ZNF676: variants seen among roughly 807,000 people sequenced by gnomAD.
The protein encoded by ZNF676 is zinc finger protein 676.
Under a neutral mutation model 6.0 loss-of-function variants are expected in ZNF676, and 4 were observed. The ratio of observed to expected loss-of-function variants is 0.67; its 90% CI spans 0.33 to 1.53. The LOEUF (loss-of-function observed/expected upper bound fraction) is 1.53, where lower values mean the gene tolerates loss of function less well. Among genes scored for constraint, ZNF676 ranks in the 40% most tolerant of loss-of-function variants. The probability of loss-of-function intolerance (pLI) is 0.06; values close to 1 mark genes in which losing one functional copy is unlikely to be tolerated. For synonymous variants in ZNF676, 198 were observed against 223.1 expected, an observed-to-expected ratio of 0.89 and a Z score of 1.00; for missense variants, 644 against 679.7, an observed-to-expected ratio of 0.95 and a Z score of 0.58.
chr19:22,181,252 G>T lies in ZNF676; in HGVS notation c.465C>A (p.His155Gln), dbSNP rs779786446. 11 of 1,613,770 alleles carry T rather than the reference G, an allele frequency of 6.8e-6. No homozygotes were observed. The highest frequency in any genetic ancestry group is 9.3e-6 in the Non-Finnish European group (11 of 1,179,830). Residue 155 changes from histidine (H) to glutamine (Q), a missense_variant, in exon 3 of 3, where the codon CAC (histidine) becomes CAA (glutamine). Physicochemically the swap from His to Gln is conservative, Grantham distance 24. Coordinates refer to ENST00000397121, the MANE Select transcript of ZNF676 (RefSeq NM_001001411.3). The part of the protein sequence containing the change: ...EYVRSFCMLS[H>Q]LSQHERIYTR... ...TATAAATTCTTTCATGTTGAGATAG[G>T]TGTGAAAGCATGCAAAATGATCTGA... is the stretch of plus-strand genomic sequence containing the variant.
rs745881987 is a variant in ZNF676 at position 22,181,399 on chromosome 19, T to C, written c.318A>G (p.Thr106=). The change falls in exon 3 of 3, where the codon ACA becomes ACG. Residue 106 remains threonine (T), a synonymous_variant. Coordinates refer to ENST00000397121, the MANE Select transcript of ZNF676 (RefSeq NM_001001411.3). Reference sequence around the variant, plus strand: ...ATTGAAATACTTTGCTCTGTGTAGTTGTTAAACTCTGGTTAAGTTTATTAT... The same window carrying C: ...ATTGAAATACTTTGCTCTGTGTAGTCGTTAAACTCTGGTTAAGTTTATTAT... ...EGYNKLNQSL[T]TTQSKVFQCG... The C allele has an allele frequency of 6.2e-7, 1 of 1,613,720 alleles. No homozygotes were observed. Among genetic ancestry groups the C allele is most frequent in the Non-Finnish European group, 8.5e-7 (1 of 1,179,758 alleles).
intron 1 of ZNF676, among the ~76,000 whole-genome samples, chr19:22,214,219 G>A (rs1465819340): frequency 6.6e-6 from 1 of 152,162 alleles, no homozygotes; most frequent in Non-Finnish European, 1.5e-5. Context: ...TGGGACACAT[G>A]TGAAAAATGC....
At chr19:22,211,744 T>C (rs2144823706) in intron 1 of ZNF676, among the ~76,000 whole-genome samples, 1 of 152,290 alleles carries the variant, frequency 6.6e-6, no homozygotes, top group South Asian at 2.1e-4. Flanking sequence ...AAAAAGAAAC[T>C]GATGTTTTCA....
the ZNF676 span, among the ~76,000 whole-genome samples, chr19:22,233,129 A>G: frequency 3.0e-3 from 463 of 152,330 alleles, 2 homozygotes; most frequent in African/African-American, 0.011. Context: ...ATAAAATTTA[A>G]CATATATATT....
chr19:22,186,637 C>A (rs1400663510), intron 2 of ZNF676, among the ~76,000 whole-genome samples: 1 of 152,154 alleles, frequency 6.6e-6, no homozygotes, highest in African/African-American at 2.4e-5. Flanking sequence ...TCAGGAGATC[C>A]ATCTCACATG....
chr19:22,238,412 G>A, the ZNF676 span, among the ~76,000 whole-genome samples: 2 of 152,106 alleles, frequency 1.3e-5, no homozygotes, highest in Non-Finnish European at 2.9e-5. Flanking sequence ...AATCAGGAGT[G>A]TCAAATGCAT....
chr19:22,188,153 G>T (rs1236095668), intron 2 of ZNF676, among the ~76,000 whole-genome samples: 1 of 151,974 alleles, frequency 6.6e-6, no homozygotes, highest in Non-Finnish European at 1.5e-5. Flanking sequence ...ACATCAAAAA[G>T]CTTATCCACC....
chr19:22,242,221 A>G, the ZNF676 span, among the ~76,000 whole-genome samples: 1 of 151,988 alleles, frequency 6.6e-6, no homozygotes, highest in East Asian at 1.9e-4. Flanking sequence ...CAGGATGGTC[A>G]CATCACATGA....
At chr19:22,226,162 T>C in the ZNF676 span, among the ~76,000 whole-genome samples, 1 of 152,272 alleles carries the variant, frequency 6.6e-6, no homozygotes, top group East Asian at 1.9e-4. Flanking sequence ...GCATTAATTT[T>C]TGAAGATATT....
At chr19:22,253,502 G>A in the ZNF676 span, among the ~76,000 whole-genome samples, 2 of 140,858 alleles carry the variant, frequency 1.4e-5, no homozygotes, top group Non-Finnish European at 3.1e-5. Context: ...ATATGATAAT[G>A]TGTATATATA....
upstream of ZNF676, among the ~76,000 whole-genome samples, chr19:22,220,388 T>G (rs2144854012): frequency 6.6e-6 from 1 of 152,236 alleles, no homozygotes; most frequent in South Asian, 2.1e-4. Context: ...TCAGTAGGAC[T>G]GGTACCAATT....
upstream of ZNF676, among the ~76,000 whole-genome samples, chr19:22,200,515 A>ATTTT (rs3035052): frequency 0.037 from 3,867 of 105,676 alleles, 457 homozygotes; most frequent in African/African-American, 0.14. Flanking sequence ...TGCTTCATCA[A>ATTTT]TTTTTTTTTT....
At chr19:22,198,664 G>A (rs535660550), upstream of ZNF676, among the ~76,000 whole-genome samples, 2 of 152,156 alleles carry the variant, frequency 1.3e-5, no homozygotes, top group South Asian at 2.1e-4. Flanking sequence ...ACATCCACAG[G>A]CAGAAGAACC....
chr19:22,194,860 T>C (rs1363251042), intron 1 of ZNF676, among the ~76,000 whole-genome samples: 1 of 152,076 alleles, frequency 6.6e-6, no homozygotes, highest in East Asian at 1.9e-4. Context: ...CACCAGGAAG[T>C]GCACGATTAG....
intron 2 of ZNF676, among the ~76,000 whole-genome samples, chr19:22,184,551 C>A (rs909434222): frequency 3.9e-5 from 6 of 152,098 alleles, no homozygotes; most frequent in African/African-American, 1.4e-4. Context: ...AAGGCTGAAG[C>A]CAGGGAGTCA....
the ZNF676 span, among the ~76,000 whole-genome samples, chr19:22,242,832 A>G: frequency 7.1e-6 from 1 of 140,674 alleles, no homozygotes; most frequent in Non-Finnish European, 1.5e-5. Context: ...ATATGTTGCA[A>G]TTACCCAAGT....
At chr19:22,255,734 A>G in the ZNF676 span, among the ~76,000 whole-genome samples, 1 of 151,806 alleles carries the variant, frequency 6.6e-6, no homozygotes, top group Admixed American at 6.6e-5. Flanking sequence ...TGTCTCAGCT[A>G]CTCAAGAGGC....
the ZNF676 span, among the ~76,000 whole-genome samples, chr19:22,226,349 T>C: frequency 6.6e-6 from 1 of 152,044 alleles, no homozygotes; most frequent in Admixed American, 6.6e-5. Context: ...TATTACCTCC[T>C]CTATTTCATG....
chr19:22,245,600 C>T, the ZNF676 span, among the ~76,000 whole-genome samples: 1 of 149,396 alleles, frequency 6.7e-6, no homozygotes, highest in Non-Finnish European at 1.5e-5. Flanking sequence ...TTAAAAAATG[C>T]AAGACCCAGG....
Sources: allele counts gnomAD v4.1 joint callset (sites outside exome capture counted in the v4.1 genomes callset), GRCh38; gene constraint gnomAD v4.1.1; transcripts MANE v1.5; gene names NCBI Gene and HGNC (gene_info 2026-07-23, HGNC 2026-07-21).